CRYGS: variants seen among roughly 807,000 people sequenced by gnomAD.
CRYGS encodes the protein crystallin gamma S, also known as gamma-crystallin S.
In CRYGS, 13 loss-of-function variants were observed where a neutral mutation model predicts 21.3. The observed-to-expected ratio is 0.61, with a 90% confidence interval of 0.40 to 0.97. The LOEUF is 0.97. Among genes scored for constraint, CRYGS ranks in the 50% least tolerant of loss-of-function variants. The pLI is 0.00. For synonymous variants in CRYGS, 67 were observed against 75.0 expected (o/e 0.89, Z 0.55); for missense variants, 205 against 229.7 (o/e 0.89, Z 0.69).
chr3:186,539,559 G>C lies in CRYGS; in HGVS notation c.60C>G (p.Arg20=), dbSNP rs753964791. 1 of 1,614,164 alleles carries C rather than the reference G, an allele frequency of 6.2e-7. No homozygotes were observed. The highest frequency in any genetic ancestry group is 8.5e-7 in the Non-Finnish European group (1 of 1,180,020). The change falls in exon 2 of 3, where the codon CGC becomes CGG. Residue 20 remains arginine, a synonymous_variant. Transcript: ENST00000307944. ...FYEDKNFQGR[R]YDCDCDCADF... is the part of the protein sequence containing the mutation. ...CTGCACAGTCGCAATCACAGTCATAGCGACGGCCTTGAAAATTTTTGTCTT... is the reference window on the plus strand; with the variant it reads ...CTGCACAGTCGCAATCACAGTCATACCGACGGCCTTGAAAATTTTTGTCTT...
chr3:186,539,051 G>C, intron 2 of CRYGS, 83 bp from the exon 3 acceptor site: 1 of 1,487,698 alleles, frequency 6.7e-7, no homozygotes. Context: ...GTATTGCTCA[G>C]AACTTATCAC....
chr3:186,539,840 G>C (rs1714017897), intron 1 of CRYGS: 1 of 476,292 alleles, frequency 2.1e-6, no homozygotes, highest in African/African-American at 2.0e-5. Flanking sequence ...TAATAGAAGT[G>C]AGCAGTCTCA....
At chr3:186,541,571 T>C (rs1714068879) in intron 1 of CRYGS, among the ~76,000 whole-genome samples, 1 of 152,240 alleles carries the variant, frequency 6.6e-6, no homozygotes, top group South Asian at 2.1e-4. Flanking sequence ...AACAGGATGA[T>C]AGTGTCTCTT....
chr3:186,538,673 A>G lies in CRYGS; in HGVS notation c.*23T>C, dbSNP rs1367543243. ...GCCAGCCAGCATTTGGGCCCCAGGA[A>G]GAATATGGCCCCATTCATGTCATTA... On this transcript the variant is annotated 3_prime_UTR_variant, in exon 3 of 3. Transcript: ENST00000307944. The G allele has an allele frequency of 6.2e-7, 1 of 1,613,948 alleles. No individual in the cohort carries two copies. The highest frequency in any genetic ancestry group is 8.5e-7 in the Non-Finnish European group (1 of 1,180,000).
At chr3:186,541,923 T>G (rs1714079261) in intron 1 of CRYGS, among the ~76,000 whole-genome samples, 1 of 152,354 alleles carries the variant, frequency 6.6e-6, no homozygotes, top group Admixed American at 6.5e-5. Context: ...GAGAGATCTT[T>G]AGGAAAGTCA....
At position 186,539,552 on chromosome 3, in the gene CRYGS, A is replaced by C; in HGVS notation, c.67T>G (p.Cys23Gly). 1 of 1,614,150 alleles carries C rather than the reference A, an allele frequency of 6.2e-7. No homozygotes were observed. Among genetic ancestry groups the C allele is most frequent in the South Asian group, 1.1e-5 (1 of 91,080 alleles). Residue 23 changes from cysteine to glycine, a missense_variant, in exon 2 of 3, where the codon TGT becomes GGT. Coordinates refer to ENST00000307944, the MANE Select transcript of CRYGS (RefSeq NM_017541.4). ...TGGAAATCTGCACAGTCGCAATCAC[A>C]GTCATAGCGACGGCCTTGAAAATTT... is the stretch of plus-strand genomic sequence containing the variant. ...DKNFQGRRYD[C>G]DCDCADFHTY...
At chr3:186,542,443 A>G (rs1328259873) in intron 1 of CRYGS, among the ~76,000 whole-genome samples, 1 of 152,250 alleles carries the variant, frequency 6.6e-6, no homozygotes. Flanking sequence ...AAATGTGCAG[A>G]AAGTTTTCCT....
At position 186,538,785 on chromosome 3, in the gene CRYGS, A is replaced by G. The variant is rs1265015449; in HGVS notation, c.448T>C (p.Tyr150His). 6.2e-7 allele frequency: 1 copy of G among 1,614,160 alleles called. No individual in the cohort carries two copies. The highest frequency in any genetic ancestry group is 2.2e-5 in the East Asian group (1 of 44,880). Reference protein sequence around the residue: ...YELPNYRGRQYLLDKKEYRKP... With the variant: ...YELPNYRGRQHLLDKKEYRKP... ...CGGTACTCCTTCTTGTCCAGGAGGT[A>G]CTGCCTGCCACGGTAGTTGGGTAGC... The change falls in exon 3 of 3, where the codon TAC (tyrosine) becomes CAC (histidine). Residue 150 changes from tyrosine (Y) to histidine (H), a missense_variant. By Grantham distance (83) the Tyr-to-His change is moderately conservative. Transcript: ENST00000307944.
intron 2 of CRYGS, 48 bp downstream of exon 2, chr3:186,539,307 G>C: frequency 6.2e-7 from 1 of 1,611,032 alleles, no homozygotes; most frequent in Non-Finnish European, 8.5e-7. Flanking sequence ...AAGAGAAAGC[G>C]GACAGAGGGC....
In CRYGS at chr3:186,539,366, C is replaced by T. The variant is rs1553846926; in HGVS notation, c.253G>A (p.Ala85Thr). 6.2e-7 allele frequency: 1 copy of T among 1,612,182 alleles called. No individual in the cohort carries two copies. Among genetic ancestry groups the T allele is most frequent in the Non-Finnish European group, 8.5e-7 (1 of 1,179,990 alleles). ...GLNDRLSSCR[A>T]VHLPSGGQYK... ...GTCCCCAGACTCACCAGATGAACAG[C>T]TCTGCAGGAGCTGAGGCGGTCGTTG... The change falls in exon 2 of 3, where the codon GCT becomes ACT. Residue 85 changes from alanine (A) to threonine (T), a missense_variant. Ala to Thr is a moderately conservative substitution (Grantham distance 58). Coordinates refer to ENST00000307944, the MANE Select transcript of CRYGS (RefSeq NM_017541.4).
intron 1 of CRYGS, chr3:186,540,221 C>T (rs1714032919): frequency 6.5e-6 from 1 of 153,210 alleles, no homozygotes; most frequent in African/African-American, 2.4e-5. Flanking sequence ...GATAAGAATC[C>T]TCTTTGCCTC....
intron 1 of CRYGS, among the ~76,000 whole-genome samples, chr3:186,542,400 T>C (rs995546521): frequency 6.6e-6 from 1 of 152,224 alleles, no homozygotes; most frequent in African/African-American, 2.4e-5. Context: ...GGTTTTGACC[T>C]TTGGGCAAAA....
chr3:186,543,200 A>G (rs1714107498), intron 1 of CRYGS, among the ~76,000 whole-genome samples: 1 of 152,184 alleles, frequency 6.6e-6, no homozygotes, highest in African/African-American at 2.4e-5. Context: ...AAAAGGGTAG[A>G]GGGACATTTT....
Position 186,538,800 on chromosome 3 carries a change from AG to A in CRYGS, c.432del (p.Tyr145ThrfsTer56). The A allele has an allele frequency of 1.2e-6, 2 of 1,614,122 alleles. No homozygotes were observed. Among genetic ancestry groups the A allele is most frequent in the Non-Finnish European group, 1.7e-6 (2 of 1,180,002 alleles). ...EGVWIFYELP[N>X]YRGRQYLLDK... ...TCCAGGAGGTACTGCCTGCCACGGT[AG>A]TTGGGTAGCTCATAGAAAATCCAGA... On this transcript the variant is annotated frameshift_variant, in exon 3 of 3. Coordinates refer to ENST00000307944, the MANE Select transcript of CRYGS (RefSeq NM_017541.4). LOFTEE classifies it high-confidence loss of function.
chr3:186,541,018 T>C (rs1481049738), intron 1 of CRYGS, among the ~76,000 whole-genome samples: 5 of 152,154 alleles, frequency 3.3e-5, no homozygotes, highest in Non-Finnish European at 7.3e-5. Context: ...TTGGACTTAG[T>C]AGTGTGTGCC....
chr3:186,539,719 G>T, intron 1 of CRYGS, 122 bp from the exon 2 acceptor site: 1 of 1,142,854 alleles, frequency 8.8e-7, no homozygotes, highest in South Asian at 1.4e-5. Flanking sequence ...GGAAAAATAT[G>T]TAGCTGTACG....
intron 1 of CRYGS, 51 bp downstream of exon 1, chr3:186,544,255 T>C (rs1714136695): frequency 1.5e-6 from 2 of 1,299,766 alleles, no homozygotes; most frequent in South Asian, 1.2e-5. Flanking sequence ...GTGTGTTGAA[T>C]GCATCATTAG....
rs759535446 is a variant in CRYGS at position 186,539,544 on chromosome 3, G to A, written c.75C>T (p.Cys25=). Residue 25 remains cysteine (C), a synonymous_variant, in exon 2 of 3, where the codon TGC becomes TGT. Coordinates refer to ENST00000307944, the MANE Select transcript of CRYGS (RefSeq NM_017541.4). The stretch of plus-strand genomic sequence containing the variant: ...GGTATGTGTGGAAATCTGCACAGTC[G>A]CAATCACAGTCATAGCGACGGCCTT... The part of the protein sequence containing the change: ...NFQGRRYDCD[C]DCADFHTYLS... 20 of 1,613,926 alleles carry A rather than the reference G, an allele frequency of 1.2e-5. No individual in the cohort carries two copies. The highest frequency in any genetic ancestry group is 6.7e-5 in the African/African-American group (5 of 74,896).
intron 1 of CRYGS, chr3:186,540,768 A>G (rs1714046262): frequency 1.0e-6 from 1 of 960,662 alleles, no homozygotes; most frequent in South Asian, 4.8e-5. Flanking sequence ...GCAGAGCCGG[A>G]TACTGTCTTG....
Sources: gnomAD v4.1 joint callset for allele counts (sites outside exome capture counted in the v4.1 genomes callset) on GRCh38, gnomAD v4.1.1 for gene constraint, MANE v1.5 for transcripts, NCBI Gene and HGNC (gene_info 2026-07-23, HGNC 2026-07-21) for gene names.